The following SCLT1 variants were observed in gnomAD, a reference collection of about 807,000 sequenced individuals.
SCLT1 encodes the protein sodium channel-associated protein 1.
SCLT1 carries 78 observed loss-of-function variants against 112.8 expected under a neutral mutation model. The ratio of observed to expected loss-of-function variants is 0.69; its 90% CI spans 0.58 to 0.83. SCLT1 has a LOEUF of 0.83. SCLT1 is among the 40% of genes least tolerant of loss of function. SCLT1 has a pLI of 0.00. For synonymous variants in SCLT1, 257 were observed against 254.7 expected (o/e 1.01, Z -0.09); for missense variants, 747 against 770.4 (o/e 0.97, Z 0.36).
intron 18 of SCLT1, among the ~76,000 whole-genome samples, chr4:128,920,303 T>C (rs1198994909): frequency 6.6e-6 from 1 of 152,218 alleles, no homozygotes; most frequent in African/African-American, 2.4e-5. Flanking sequence ...AATCACATTA[T>C]CATCTCAACA....
chr4:128,957,007 T>G lies in SCLT1; in HGVS notation c.1146+19A>C. The G allele has an allele frequency of 7.4e-7, 1 of 1,349,304 alleles. No individual in the cohort carries two copies. The highest frequency in any genetic ancestry group is 1.0e-6 in the Non-Finnish European group (1 of 973,430). The allele number at this position is 1,349,304 out of a possible 1,614,324, so 83.6% of individuals were successfully genotyped here. A position where few individuals can be genotyped will look rare whatever the true frequency, so the allele number is the denominator to read the frequency against. ...TGTGACTTAAATTCTGAATTTTAAA[T>G]ATAATTAAAAATCCTTACTTCTTTC... On this transcript the variant is annotated intron_variant, in intron 13 of 20. Coordinates refer to ENST00000281142, the MANE Select transcript of SCLT1 (RefSeq NM_144643.4).
chr4:129,042,692 C>G (rs1305741486), intron 4 of SCLT1, among the ~76,000 whole-genome samples: 1 of 152,136 alleles, frequency 6.6e-6, no homozygotes, highest in Non-Finnish European at 1.5e-5. Flanking sequence ...GTTGCCTAGG[C>G]TGGAGTGCAG....
chr4:129,071,128 T>C (rs1440244497), intron 2 of SCLT1, among the ~76,000 whole-genome samples: 1 of 152,184 alleles, frequency 6.6e-6, no homozygotes, highest in Non-Finnish European at 1.5e-5. Context: ...TATGCCACTG[T>C]GGTCTGAGAG....
chr4:128,876,586 C>T (rs1732525679), exon 4 of SCLT1: 1 of 152,238 alleles, frequency 6.6e-6, no homozygotes, highest in Admixed American at 6.5e-5. Context: ...CCCTTTAATG[C>T]TCAGAACTCC....
intron 5 of SCLT1, among the ~76,000 whole-genome samples, chr4:129,006,641 T>A (rs1184825511): frequency 3.9e-5 from 6 of 152,156 alleles, no homozygotes; most frequent in Non-Finnish European, 7.4e-5. Context: ...GTCATTTTTT[T>A]AATCTTACAC....
At chr4:129,069,822 C>T (rs958233759) in intron 2 of SCLT1, among the ~76,000 whole-genome samples, 1 of 152,050 alleles carries the variant, frequency 6.6e-6, no homozygotes, top group African/African-American at 2.4e-5. Context: ...TGGGCATCCT[C>T]GTCTTGTTCC....
At position 128,941,237 on chromosome 4, in the gene SCLT1, G is replaced by A. The variant is rs186861888; in HGVS notation, c.1632+1759C>T. 9.7e-4 allele frequency among the ~76,000 whole-genome samples: 147 copies of A among 152,172 alleles called. 1 individual carries two copies. The highest frequency in any genetic ancestry group is 1.4e-3 in the Non-Finnish European group (98 of 67,982). ...ACAGCCAAACCGTATCAGGATGTATGTATGTCTGGCTTTAAAAGATAATGC... is the reference window on the plus strand; with the variant it reads ...ACAGCCAAACCGTATCAGGATGTATATATGTCTGGCTTTAAAAGATAATGC... On this transcript the variant is annotated intron_variant, in intron 17 of 20. Coordinates refer to ENST00000281142, the MANE Select transcript of SCLT1 (RefSeq NM_144643.4).
At chr4:129,042,235 T>C (rs1747762796) in intron 4 of SCLT1, among the ~76,000 whole-genome samples, 1 of 152,158 alleles carries the variant, frequency 6.6e-6, no homozygotes, top group Non-Finnish European at 1.5e-5. Context: ...TCATATAAGT[T>C]CTATTTAAGA....
chr4:128,955,237 C>T (rs533294680), intron 13 of SCLT1, among the ~76,000 whole-genome samples: 54 of 152,274 alleles, frequency 3.5e-4, no homozygotes, highest in Non-Finnish European at 4.4e-4. Context: ...GTTTTGAAGT[C>T]TGTAGAGGGA....
At position 129,082,406 on chromosome 4, in the gene SCLT1, T is replaced by C. The variant is rs770259652; in HGVS notation, c.35-33A>G. Reference sequence around the variant, plus strand: ...AAGCGGGAAAACAGATTTCAGTTCATTGAGTAATGGTCAATTCTTTAAAAC... The same window carrying C: ...AAGCGGGAAAACAGATTTCAGTTCACTGAGTAATGGTCAATTCTTTAAAAC... On this transcript the variant is annotated intron_variant, in intron 1 of 20. Coordinates refer to ENST00000281142, the MANE Select transcript of SCLT1 (RefSeq NM_144643.4). 6.7e-6 allele frequency: 9 copies of C among 1,343,422 alleles called. No homozygotes were observed. In the South Asian group the frequency reaches 7.5e-5, roughly 11 times the overall value. 83.2% of individuals were successfully genotyped at this position (1,343,422 alleles called of 1,614,324 possible).
rs1262684734 is a variant in SCLT1 at position 129,049,439 on chromosome 4, T to G, written c.103-5388A>C. On this transcript the variant is annotated intron_variant, in intron 2 of 20. Transcript: ENST00000281142. ...ATGGGAATTGAACAATGAGAACACA[T>G]GGACACAGGAAGGGGAACATCACAC... Among the ~76,000 whole-genome samples, 4 of 125,934 alleles carry G rather than the reference T, an allele frequency of 3.2e-5. No homozygotes were observed. The South Asian group carries it at 9.7e-4, about 30-fold the overall frequency. 82.6% of individuals were successfully genotyped at this position (125,934 alleles called of 152,430 possible). A position where few individuals can be genotyped will look rare whatever the true frequency, so the allele number is the denominator to read the frequency against.
chr4:129,016,320 C>G (rs1282691294), intron 5 of SCLT1, among the ~76,000 whole-genome samples: 1 of 131,668 alleles, frequency 7.6e-6, no homozygotes, highest in East Asian at 2.3e-4. Flanking sequence ...TGATGCTTTC[C>G]TCCCCCATCC....
chr4:129,003,868 C>T lies in SCLT1; in HGVS notation c.299G>A (p.Ser100Asn), dbSNP rs201035426. 6.2e-7 allele frequency: 1 copy of T among 1,610,640 alleles called. No individual in the cohort carries two copies. Among genetic ancestry groups the T allele is most frequent in the Non-Finnish European group, 8.5e-7 (1 of 1,178,632 alleles). The change falls in exon 6 of 21, where the codon AGT becomes AAT. Residue 100 changes from serine to asparagine, a missense_variant. Coordinates refer to ENST00000281142, the MANE Select transcript of SCLT1 (RefSeq NM_144643.4). ...NVIKENERLH[S>N]ELKDAVEKKL... ...TTTTTCAACAGCATCTTTTAATTCA[C>T]TGTGCAACCTTTGAAACAAATAGTT...
intron 4 of SCLT1, chr4:129,039,484 A>T (rs566854998): frequency 6.2e-6 from 1 of 162,454 alleles, no homozygotes; most frequent in East Asian, 1.8e-4. Flanking sequence ...TGAAGCCCAT[A>T]TAAGTATGTA....
chr4:128,937,041 G>C (rs1377141763), intron 17 of SCLT1, among the ~76,000 whole-genome samples, 190 bp from the exon 18 acceptor site: 1 of 152,146 alleles, frequency 6.6e-6, no homozygotes, highest in Non-Finnish European at 1.5e-5. Flanking sequence ...CACTTTGGGA[G>C]GCCAAGGTGG....
At chr4:128,875,827 A>G (rs2125913443) in intron 4 of SCLT1, among the ~76,000 whole-genome samples, 1 of 152,332 alleles carries the variant, frequency 6.6e-6, no homozygotes, top group African/African-American at 2.4e-5. Flanking sequence ...TTTTTAATAC[A>G]ACCTTTAAAT....
intron 9 of SCLT1, among the ~76,000 whole-genome samples, chr4:128,989,361 C>T (rs778772995): frequency 9.9e-5 from 15 of 151,748 alleles, no homozygotes; most frequent in Middle Eastern, 3.4e-3. Context: ...TTAAACAATA[C>T]GCTCCTAAAT....
At chr4:129,060,360 C>A (rs1221009591) in intron 2 of SCLT1, among the ~76,000 whole-genome samples, 1 of 152,108 alleles carries the variant, frequency 6.6e-6, no homozygotes, top group African/African-American at 2.4e-5. Context: ...TTACTAAAGA[C>A]TTGTGTTCCT....
chr4:129,019,786 C>A (rs1423755763), intron 5 of SCLT1, among the ~76,000 whole-genome samples: 1 of 152,086 alleles, frequency 6.6e-6, no homozygotes, highest in African/African-American at 2.4e-5. Context: ...TGCCACAGTG[C>A]AGCATTTCTT....
Sources: gnomAD v4.1 joint callset for allele counts (sites outside exome capture counted in the v4.1 genomes callset) on GRCh38, gnomAD v4.1.1 for gene constraint, MANE v1.5 for transcripts, NCBI Gene and HGNC (gene_info 2026-07-23, HGNC 2026-07-21) for gene names.